The following OPCML variants were observed in gnomAD, a reference collection of about 807,000 sequenced individuals.
OPCML encodes opioid-binding protein/cell adhesion molecule.
A neutral mutation model predicts 37.8 loss-of-function variants in OPCML; 13 were observed. That is an observed-to-expected ratio of 0.34 (90% CI 0.22 to 0.55). The LOEUF (loss-of-function observed/expected upper bound fraction) is 0.55. Ranked by LOEUF, OPCML falls within the 20% of genes least tolerant of loss-of-function variation. The pLI, the probability that OPCML is intolerant of heterozygous loss-of-function variation, is 0.91. For synonymous variants in OPCML, 176 were observed against 168.8 expected (o/e 1.04, Z -0.33); for missense variants, 341 against 435.6 (o/e 0.78, Z 1.93).
At chr11:133,127,757 A>G (rs995429485) in intron 1 of OPCML, among the ~76,000 whole-genome samples, 2 of 152,130 alleles carry the variant, frequency 1.3e-5, no homozygotes, top group African/African-American at 4.8e-5. Context: ...TTATCATCTA[A>G]TTAAGAAGAA....
intron 3 of OPCML, among the ~76,000 whole-genome samples, chr11:132,568,095 A>G (rs996259610): frequency 1.5e-4 from 23 of 151,972 alleles, no homozygotes; most frequent in African/African-American, 5.6e-4. Context: ...GAAAAAAAAA[A>G]CTTTCCTATT....
intron 1 of OPCML, among the ~76,000 whole-genome samples, chr11:133,492,444 A>G (rs1947684780): frequency 6.6e-6 from 1 of 152,166 alleles, no homozygotes; most frequent in African/African-American, 2.4e-5. Flanking sequence ...TATAAAAGCA[A>G]AGGGAGGAAC....
chr11:133,095,804 A>C (rs1948993514), intron 1 of OPCML, among the ~76,000 whole-genome samples: 1 of 151,718 alleles, frequency 6.6e-6, no homozygotes, highest in South Asian at 2.1e-4. Flanking sequence ...GAGTAGAGTG[A>C]AACAAGTAAA....
chr11:133,142,727 G>A (rs529501061), intron 1 of OPCML, among the ~76,000 whole-genome samples: 3 of 152,188 alleles, frequency 2.0e-5, no homozygotes, highest in South Asian at 4.2e-4. Context: ...GTGAAGGAAC[G>A]TGCAAAAGAG....
chr11:132,861,414 T>C (rs187996555), intron 2 of OPCML, among the ~76,000 whole-genome samples: 106 of 152,368 alleles, frequency 7.0e-4, no homozygotes, highest in African/African-American at 2.3e-3. Flanking sequence ...AAAATAATTA[T>C]GTATTCAAAA....
intron 2 of OPCML, among the ~76,000 whole-genome samples, chr11:132,774,815 G>T (rs1426788636): frequency 6.6e-6 from 1 of 152,166 alleles, no homozygotes; most frequent in African/African-American, 2.4e-5. Context: ...TGTGCATACA[G>T]TAGGTGATTA....
At chr11:133,313,128 C>T (rs1565565661) in intron 1 of OPCML, among the ~76,000 whole-genome samples, 2 of 152,244 alleles carry the variant, frequency 1.3e-5, no homozygotes, top group South Asian at 4.1e-4. Flanking sequence ...TATTTATATG[C>T]GGTCTGCATC....
In OPCML at chr11:133,189,942, C is replaced by T. The variant is rs560552989; in HGVS notation, c.62-246932G>A. ...GGAGTGGTTGCTGCCTTGTACTGAACAGATTCCACACAGATGCTTCATCCT... is the reference window on the plus strand; with the variant it reads ...GGAGTGGTTGCTGCCTTGTACTGAATAGATTCCACACAGATGCTTCATCCT... On this transcript the variant is annotated intron_variant, in intron 1 of 7. Coordinates refer to ENST00000524381, the MANE Select transcript of OPCML (RefSeq NM_001012393.5). Among the ~76,000 whole-genome samples the T allele has an allele frequency of 8.5e-5, 13 of 152,346 alleles. 1 individual carries two copies. The South Asian group carries it at 2.5e-3, about 29-fold the overall frequency.
At chr11:132,720,619 C>T (rs949245277) in intron 2 of OPCML, among the ~76,000 whole-genome samples, 55 of 152,196 alleles carry the variant, frequency 3.6e-4, no homozygotes, top group African/African-American at 1.2e-3. Context: ...CTAATTGGCT[C>T]GCTATTTACC....
At chr11:133,353,034 T>C (rs1944176852) in intron 1 of OPCML, among the ~76,000 whole-genome samples, 1 of 152,254 alleles carries the variant, frequency 6.6e-6, no homozygotes, top group Non-Finnish European at 1.5e-5. Context: ...TTATAGGCTG[T>C]ATGTCTAAAT....
At chr11:132,793,518 C>T (rs1938081231) in intron 2 of OPCML, among the ~76,000 whole-genome samples, 1 of 152,114 alleles carries the variant, frequency 6.6e-6, no homozygotes, top group Non-Finnish European at 1.5e-5. Flanking sequence ...TTCTTCAGCA[C>T]CTTTTGTGAA....
chr11:132,594,381 C>T (rs1049967916), intron 3 of OPCML, among the ~76,000 whole-genome samples: 3 of 151,918 alleles, frequency 2.0e-5, no homozygotes, highest in African/African-American at 7.3e-5. Flanking sequence ...CACTAAATTT[C>T]TTAAGATATA....
At chr11:132,808,953 A>C (rs1939172859) in intron 2 of OPCML, among the ~76,000 whole-genome samples, 1 of 152,042 alleles carries the variant, frequency 6.6e-6, no homozygotes. Flanking sequence ...GCCCCAAAAG[A>C]AAAGCTTTGC....
At chr11:132,728,200 T>C (rs980634397) in intron 2 of OPCML, among the ~76,000 whole-genome samples, 25 of 149,058 alleles carry the variant, frequency 1.7e-4, no homozygotes, top group African/African-American at 4.9e-4. Flanking sequence ...CTGTCTCCCC[T>C]GGCCAGGCTC....
intron 1 of OPCML, among the ~76,000 whole-genome samples, chr11:133,520,507 A>G (rs35309700): frequency 0.28 from 42,357 of 152,010 alleles, 6,858 homozygotes; most frequent in African/African-American, 0.43. Context: ...ATGATGTTGT[A>G]GTTTCCCCTT....
chr11:132,485,452 T>C (rs1312774678), intron 4 of OPCML, among the ~76,000 whole-genome samples: 1 of 152,196 alleles, frequency 6.6e-6, no homozygotes, highest in Non-Finnish European at 1.5e-5. Flanking sequence ...TTGGCAAGCG[T>C]GAACACTCAA....
intron 2 of OPCML, among the ~76,000 whole-genome samples, chr11:132,775,776 G>T (rs1946787792): frequency 6.6e-6 from 1 of 152,176 alleles, no homozygotes; most frequent in Admixed American, 6.5e-5. Context: ...CCAGCCCAAG[G>T]TTCCATCGAC....
intron 4 of OPCML, among the ~76,000 whole-genome samples, chr11:132,476,885 A>G (rs1482063135): frequency 6.6e-6 from 1 of 152,190 alleles, no homozygotes; most frequent in Non-Finnish European, 1.5e-5. Flanking sequence ...ACTTCCATGA[A>G]TCCCATTGTT....
At chr11:133,410,065 GA>G (rs1945611404) in intron 1 of OPCML, among the ~76,000 whole-genome samples, 1 of 152,106 alleles carries the variant, frequency 6.6e-6, no homozygotes, top group African/African-American at 2.4e-5. Context: ...AGGATCAAAT[GA>G]GGGCAATTGA....
Sources: gnomAD v4.1 joint callset for allele counts (sites outside exome capture counted in the v4.1 genomes callset) on GRCh38, gnomAD v4.1.1 for gene constraint, MANE v1.5 for transcripts, NCBI Gene and HGNC (gene_info 2026-07-23, HGNC 2026-07-21) for gene names.